The following DLGAP2 variants were observed in gnomAD, a reference collection of about 807,000 sequenced individuals.
DLGAP2 encodes the protein DLG associated protein 2, also known as disks large-associated protein 2.
In DLGAP2, 26 loss-of-function variants were observed where a neutral mutation model predicts 100.3. The ratio of observed to expected loss-of-function variants is 0.26; its 90% confidence interval spans 0.19 to 0.36. The LOEUF (loss-of-function observed/expected upper bound fraction) is 0.36, where lower values mean the gene tolerates loss of function less well. Ranked by LOEUF, DLGAP2 falls within the 10% of genes least tolerant of loss-of-function variation. The pLI, the probability that DLGAP2 is intolerant of heterozygous loss-of-function variation, is 1.00. For synonymous variants in DLGAP2, 886 were observed against 630.1 expected (o/e 1.41, Z -6.08); for missense variants, 1,858 against 1,453.2 (o/e 1.28, Z -4.53).
At chr8:1,248,651 G>A (rs13254726) in intron 2 of DLGAP2, 85,971 of 114,652 alleles carry the variant, frequency 0.75, 33,285 homozygotes, top group Middle Eastern at 0.88. Flanking sequence ...CAGTGTGGGA[G>A]GCGGTGCCAG....
At chr8:1,287,115 A>C (rs1799938047) in intron 3 of DLGAP2, among the ~76,000 whole-genome samples, 1 of 148,424 alleles carries the variant, frequency 6.7e-6, no homozygotes, top group African/African-American at 2.5e-5. Flanking sequence ...TAAGAGGGGA[A>C]CTAGTTTCGG....
At position 799,639 on chromosome 8, in the gene DLGAP2, C is replaced by G. The variant is rs139230308; in HGVS notation, c.18+61814C>G. Reference sequence around the variant, plus strand: ...TTTTAAAGACAGGGTCTCTGTCACCCAGGCTGGAGTGCAGTGGTGCAAACA... The same window carrying G: ...TTTTAAAGACAGGGTCTCTGTCACCGAGGCTGGAGTGCAGTGGTGCAAACA... On this transcript the variant is annotated intron_variant, in intron 1 of 14. Coordinates refer to ENST00000637795, the MANE Select transcript of DLGAP2 (RefSeq NM_001346810.2). Among the ~76,000 whole-genome samples the G allele has an allele frequency of 1.2e-4, 18 of 152,328 alleles. No homozygotes were observed. In the East Asian group the frequency reaches 3.3e-3, roughly 28 times the overall value.
intron 12 of DLGAP2, among the ~76,000 whole-genome samples, chr8:1,683,794 A>T (rs1284210099): frequency 7.3e-6 from 1 of 136,964 alleles, no homozygotes; most frequent in Non-Finnish European, 1.6e-5. Flanking sequence ...TTCTATAGAC[A>T]TCCACTGAAA....
intron 4 of DLGAP2, among the ~76,000 whole-genome samples, chr8:1,526,033 T>G (rs1800779654): frequency 6.6e-6 from 1 of 152,024 alleles, no homozygotes; most frequent in African/African-American, 2.4e-5. Flanking sequence ...TCCAAAACTC[T>G]GAACTCCAAA....
intron 3 of DLGAP2, among the ~76,000 whole-genome samples, chr8:1,436,181 A>G (rs1294225699): frequency 6.6e-6 from 1 of 152,202 alleles, no homozygotes; most frequent in Non-Finnish European, 1.5e-5. Context: ...GGAACCAGGA[A>G]GCCAGTCCGA....
chr8:1,423,908 C>G (rs1437279622), intron 3 of DLGAP2, among the ~76,000 whole-genome samples: 1 of 152,226 alleles, frequency 6.6e-6, no homozygotes, highest in Admixed American at 6.5e-5. Flanking sequence ...AAATATCCCA[C>G]GTTCAGAAGA....
chr8:952,368 A>C (rs1357862082), intron 2 of DLGAP2, among the ~76,000 whole-genome samples: 2 of 152,202 alleles, frequency 1.3e-5, no homozygotes, highest in Non-Finnish European at 2.9e-5. Context: ...GAACATTTCA[A>C]ATTATTTAGT....
chr8:1,417,159 A>AGGGTGGGGAGACCGTCTG (rs1563133699), intron 3 of DLGAP2, among the ~76,000 whole-genome samples: 2 of 77,228 alleles, frequency 2.6e-5, no homozygotes, highest in Non-Finnish European at 5.4e-5. Context: ...ACTCTGAGTG[A>AGGGTGGGGAGACCGTCTG]AGGGGAAGCC....
chr8:899,145 G>A (rs533931623), intron 1 of DLGAP2, among the ~76,000 whole-genome samples: 76 of 152,262 alleles, frequency 5.0e-4, no homozygotes, highest in Admixed American at 3.8e-3. Flanking sequence ...CGCCACTGAC[G>A]CCGCATCTCC....
At chr8:1,562,732 G>C (rs1802220818) in intron 5 of DLGAP2, among the ~76,000 whole-genome samples, 1 of 29,306 alleles carries the variant, frequency 3.4e-5, no homozygotes, top group Non-Finnish European at 6.3e-5. Flanking sequence ...CCTCGTTACT[G>C]GGGGACTGTG....
intron 3 of DLGAP2, among the ~76,000 whole-genome samples, chr8:1,375,183 C>A (rs60628058): frequency 0.057 from 2,522 of 44,050 alleles, 31 homozygotes; most frequent in African/African-American, 0.14. Context: ...GGTTAACGAC[C>A]CCTCTCCACG....
At chr8:1,598,834 T>A (rs1796538068) in intron 6 of DLGAP2, among the ~76,000 whole-genome samples, 1 of 152,172 alleles carries the variant, frequency 6.6e-6, no homozygotes, top group East Asian at 1.9e-4. Flanking sequence ...TTCATTGATT[T>A]TTTTTGAAGG....
intron 2 of DLGAP2, among the ~76,000 whole-genome samples, chr8:975,056 G>T (rs1176416466): frequency 2.6e-5 from 4 of 152,048 alleles, no homozygotes; most frequent in Non-Finnish European, 5.9e-5. Flanking sequence ...AATGAAAGAA[G>T]GGCCATCAGT....
At chr8:921,572 A>G (rs1189234446) in intron 2 of DLGAP2, among the ~76,000 whole-genome samples, 1 of 152,208 alleles carries the variant, frequency 6.6e-6, no homozygotes, top group East Asian at 1.9e-4. Flanking sequence ...TTTCCCATAG[A>G]CAGTCTGTGG....
In DLGAP2 at chr8:1,638,516, A is replaced by T. The variant is rs540352742; in HGVS notation, c.1810+5470A>T. The stretch of plus-strand genomic sequence containing the variant: ...CTAACACGGGGGCCAGAGTCATGTT[A>T]TAATGAAGACCCGCGGCCCGGCCGT... On this transcript the variant is annotated intron_variant, in intron 8 of 14. Transcript: ENST00000637795. Among the ~76,000 whole-genome samples, 5 of 152,308 alleles carry T rather than the reference A, an allele frequency of 3.3e-5. No individual in the cohort carries two copies. The South Asian group carries it at 6.2e-4, about 19-fold the overall frequency.
intron 2 of DLGAP2, among the ~76,000 whole-genome samples, chr8:1,050,065 T>C (rs968606140): frequency 3.3e-5 from 5 of 152,162 alleles, no homozygotes; most frequent in Non-Finnish European, 7.3e-5. Context: ...TGTACATACG[T>C]GTACACACAT....
intron 6 of DLGAP2, among the ~76,000 whole-genome samples, chr8:1,607,126 A>G (rs1281881082): frequency 6.6e-6 from 1 of 152,256 alleles, no homozygotes; most frequent in Non-Finnish European, 1.5e-5. Context: ...TGTACTACAT[A>G]TAATATTAAA....
intron 8 of DLGAP2, among the ~76,000 whole-genome samples, chr8:1,650,988 C>G (rs935278843): frequency 9.2e-5 from 14 of 152,196 alleles, no homozygotes; most frequent in African/African-American, 3.1e-4. Flanking sequence ...CTTCTCATGT[C>G]TGCCTCCAGC....
intron 2 of DLGAP2, among the ~76,000 whole-genome samples, chr8:1,123,971 C>T (rs1796107705): frequency 6.6e-6 from 1 of 152,076 alleles, no homozygotes; most frequent in Non-Finnish European, 1.5e-5. Context: ...AGGCAGTGAC[C>T]TTCTTTTCCT....
Sources: gnomAD v4.1 joint callset for allele counts (sites outside exome capture counted in the v4.1 genomes callset) on GRCh38, gnomAD v4.1.1 for gene constraint, MANE v1.5 for transcripts, NCBI Gene and HGNC (gene_info 2026-07-23, HGNC 2026-07-21) for gene names.